Variants in PHF24 observed in about 807,000 individuals in gnomAD.
PHF24 encodes PHD finger protein 24.
In PHF24, 25 loss-of-function variants were observed where a neutral mutation model predicts 42.6. That is an observed-to-expected ratio of 0.59 (90% CI 0.43 to 0.82). The LOEUF is 0.82. Ranked by LOEUF, PHF24 falls within the 40% of genes least tolerant of loss-of-function variation. PHF24 has a pLI of 0.00. For missense variants in PHF24, 470 were observed against 538.1 expected, an observed-to-expected ratio of 0.87 and a Z score of 1.25; for synonymous variants, 185 against 204.8, an observed-to-expected ratio of 0.90 and a Z score of 0.83.
the PHF24 span, among the ~76,000 whole-genome samples, chr9:34,857,972 G>GTTTTTTTTTTTT: frequency 1.0e-5 from 1 of 95,952 alleles, no homozygotes; most frequent in Non-Finnish European, 2.4e-5. Flanking sequence ...TGTTTCTCTG[G>GTTTTTTTTTTTT]TTTTTTTTTT....
the PHF24 span, among the ~76,000 whole-genome samples, chr9:34,681,652 A>C: frequency 6.6e-6 from 1 of 152,312 alleles, no homozygotes; most frequent in Non-Finnish European, 1.5e-5. Context: ...CTCTACTAAA[A>C]ATAGAAAAAG....
exon 8 of PHF24, chr9:34,978,203 A>C: frequency 1.0e-6 from 1 of 993,730 alleles, no homozygotes; most frequent in East Asian, 2.4e-5. Context: ...ACAGAGACTC[A>C]TGGGGTTGGG....
At chr9:34,768,019 A>C in the PHF24 span, among the ~76,000 whole-genome samples, 1 of 152,218 alleles carries the variant, frequency 6.6e-6, no homozygotes. Flanking sequence ...TGCTGAACTC[A>C]GACATTGGTC....
At chr9:34,838,232 G>A in the PHF24 span, 78 of 625,502 alleles carry the variant, frequency 1.2e-4, no homozygotes, top group South Asian at 1.4e-3. Context: ...AGTAACTAAA[G>A]GTATGGCATA....
chr9:34,762,463 T>G, the PHF24 span, among the ~76,000 whole-genome samples: 5 of 151,104 alleles, frequency 3.3e-5, no homozygotes, highest in Non-Finnish European at 5.9e-5. Flanking sequence ...GTGAGCATTT[T>G]TTCATGTGTT....
the PHF24 span, among the ~76,000 whole-genome samples, chr9:34,669,868 T>G: frequency 6.6e-6 from 1 of 152,176 alleles, no homozygotes; most frequent in Non-Finnish European, 1.5e-5. Flanking sequence ...ATGAGATGGC[T>G]CAGGTTAGAG....
chr9:34,817,546 GTTGT>G, the PHF24 span, among the ~76,000 whole-genome samples: 7 of 152,202 alleles, frequency 4.6e-5, no homozygotes, highest in South Asian at 2.1e-4. Flanking sequence ...TTTTGTGGGA[GTTGT>G]TTGTTTTTTT....
chr9:34,902,464 C>A, the PHF24 span, among the ~76,000 whole-genome samples: 1 of 152,044 alleles, frequency 6.6e-6, no homozygotes, highest in African/African-American at 2.4e-5. Context: ...GCCTGGGCAA[C>A]ATAATGGGAC....
the PHF24 span, among the ~76,000 whole-genome samples, chr9:34,877,524 A>G: frequency 6.6e-6 from 1 of 152,136 alleles, no homozygotes; most frequent in Non-Finnish European, 1.5e-5. Context: ...TCTGTTTGGT[A>G]TGATGAAAAA....
At chr9:34,717,942 C>T in the PHF24 span, among the ~76,000 whole-genome samples, 1 of 152,132 alleles carries the variant, frequency 6.6e-6, no homozygotes. Flanking sequence ...TGACTTTTGT[C>T]TTTTTCTGTA....
the PHF24 span, among the ~76,000 whole-genome samples, chr9:34,760,087 G>A: frequency 2.0e-5 from 3 of 152,106 alleles, no homozygotes; most frequent in South Asian, 2.1e-4. Flanking sequence ...GGTTGAGAGC[G>A]AACAGCAAAC....
chr9:34,873,345 A>G, the PHF24 span, among the ~76,000 whole-genome samples: 6 of 152,062 alleles, frequency 3.9e-5, no homozygotes, highest in Non-Finnish European at 4.4e-5. Context: ...TAGGTCTAAC[A>G]TGTAAGTCTT....
the PHF24 span, among the ~76,000 whole-genome samples, chr9:34,737,824 G>T: frequency 2.0e-5 from 3 of 152,098 alleles, no homozygotes; most frequent in South Asian, 2.1e-4. Flanking sequence ...ACTGTAACTT[G>T]TCACTTCGTC....
the PHF24 span, among the ~76,000 whole-genome samples, chr9:34,713,121 C>G: frequency 6.6e-6 from 1 of 152,180 alleles, no homozygotes; most frequent in Non-Finnish European, 1.5e-5. Context: ...TTTGTGGTGA[C>G]TTTTTCAAAC....
chr9:34,783,202 G>C, the PHF24 span, among the ~76,000 whole-genome samples: 1 of 152,182 alleles, frequency 6.6e-6, no homozygotes, highest in African/African-American at 2.4e-5. Context: ...CTTGGCTGAT[G>C]CTTCAACCAG....
At chr9:34,872,174 ATTTATT>A in the PHF24 span, among the ~76,000 whole-genome samples, 2 of 150,040 alleles carry the variant, frequency 1.3e-5, no homozygotes, top group Non-Finnish European at 3.0e-5. Context: ...GTAAACAGCA[ATTTATT>A]TTTATTTTTA....
the PHF24 span, among the ~76,000 whole-genome samples, chr9:34,698,478 C>T: frequency 6.6e-6 from 1 of 152,270 alleles, no homozygotes; most frequent in Non-Finnish European, 1.5e-5. Context: ...CATAAAGGCT[C>T]ATAAAGATGA....
chr9:34,712,143 C>A, the PHF24 span, among the ~76,000 whole-genome samples: 1 of 151,368 alleles, frequency 6.6e-6, no homozygotes, highest in Non-Finnish European at 1.5e-5. Context: ...CCCCCATTGT[C>A]TTTTGGCCTC....
At chr9:34,860,298 C>T in the PHF24 span, among the ~76,000 whole-genome samples, 2 of 152,012 alleles carry the variant, frequency 1.3e-5, no homozygotes, top group Non-Finnish European at 2.9e-5. Context: ...GTATATGGGC[C>T]CTCTTGCTCC....
Sources: gnomAD v4.1 joint callset for allele counts (sites outside exome capture counted in the v4.1 genomes callset) on GRCh38, gnomAD v4.1.1 for gene constraint, MANE v1.5 for transcripts, NCBI Gene and HGNC (gene_info 2026-07-23, HGNC 2026-07-21) for gene names.